Variants in SP4 observed in about 807,000 individuals in gnomAD.
The protein encoded by SP4 is Sp4 transcription factor, also known as transcription factor Sp4.
SP4 carries 19 observed loss-of-function variants against 72.8 expected under a neutral mutation model. That is an observed-to-expected ratio of 0.26 (90% confidence interval 0.18 to 0.38). The LOEUF (loss-of-function observed/expected upper bound fraction) is 0.38, where lower values mean the gene tolerates loss of function less well. SP4 is among the 10% of genes least tolerant of loss of function. The probability of loss-of-function intolerance (pLI) is 1.00; values close to 1 mark genes in which losing one functional copy is unlikely to be tolerated. For synonymous variants in SP4, 395 were observed against 333.1 expected (o/e 1.19, Z -2.02); for missense variants, 1,008 against 926.3 (o/e 1.09, Z -1.14).
intron 5 of SP4, among the ~76,000 whole-genome samples, chr7:21,489,920 G>T (rs1784928555): frequency 6.6e-6 from 1 of 152,010 alleles, no homozygotes; most frequent in South Asian, 2.1e-4. Flanking sequence ...CAAAGTGCTG[G>T]GATTATAGGT....
Position 21,471,695 on chromosome 7 carries a change from G to GT in SP4, c.1679-5383dup, listed in dbSNP as rs561473165. ...AAAGAATTTTAAAAATTAACTAGGT[G>GT]TGGTGGCATGCATCTGTAGTCCCAA... On this transcript the variant is annotated intron_variant, in intron 3 of 5. Transcript: ENST00000222584. Among the ~76,000 whole-genome samples, 73 of 152,242 alleles carry GT rather than the reference G, an allele frequency of 4.8e-4. No homozygotes were observed. In the East Asian group the frequency reaches 0.013, roughly 27 times the overall value.
At chr7:21,487,551 A>T (rs1784853742) in intron 5 of SP4, among the ~76,000 whole-genome samples, 1 of 151,408 alleles carries the variant, frequency 6.6e-6, no homozygotes, top group East Asian at 1.9e-4. Context: ...GTATTCCATC[A>T]TTGTTGGTGG....
chr7:21,463,540 G>C (rs538941282), intron 3 of SP4, among the ~76,000 whole-genome samples: 6 of 152,346 alleles, frequency 3.9e-5, no homozygotes, highest in African/African-American at 1.4e-4. Flanking sequence ...AGCGAAGCCA[G>C]AGGAGGGTTG....
chr7:21,458,721 A>G (rs1783858754), intron 3 of SP4, among the ~76,000 whole-genome samples: 1 of 152,116 alleles, frequency 6.6e-6, no homozygotes, highest in Non-Finnish European at 1.5e-5. Flanking sequence ...CCTACTACTG[A>G]AGATAGATCT....
intron 5 of SP4, among the ~76,000 whole-genome samples, chr7:21,495,548 C>T (rs116613797): frequency 0.01 from 1,596 of 152,094 alleles, 34 homozygotes; most frequent in African/African-American, 0.037. Flanking sequence ...TACTACTGTA[C>T]ACCTATTAGA....
At chr7:21,448,446 A>G (rs1783491644) in intron 3 of SP4, among the ~76,000 whole-genome samples, 1 of 152,210 alleles carries the variant, frequency 6.6e-6, no homozygotes, top group Non-Finnish European at 1.5e-5. Flanking sequence ...TTTCTACATG[A>G]TAATTATATA....
At position 21,428,658 on chromosome 7, in the gene SP4, G is replaced by T. The variant is rs377180028; in HGVS notation, c.8-19G>T. 1.6e-5 allele frequency: 25 copies of T among 1,528,452 alleles called. No homozygotes were observed. The African/African-American group carries it at 3.0e-4, about 19-fold the overall frequency. The allele number at this position is 1,528,452 out of a possible 1,614,324, so 94.7% of individuals were successfully genotyped here. ...AATAACCTGTTGTCGTGTGTGTGTG[G>T]TGGGGGGGTTTGTTGCAGATCAGAA... On this transcript the variant is annotated intron_variant, in intron 1 of 5. Transcript: ENST00000222584.
At chr7:21,468,979 A>G (rs1385808572) in intron 3 of SP4, among the ~76,000 whole-genome samples, 1 of 152,192 alleles carries the variant, frequency 6.6e-6, no homozygotes, top group Non-Finnish European at 1.5e-5. Flanking sequence ...TTTATAATCT[A>G]GATAGTCTTA....
chr7:21,434,021 G>A (rs1052775116), intron 3 of SP4, among the ~76,000 whole-genome samples: 3 of 152,130 alleles, frequency 2.0e-5, no homozygotes, highest in African/African-American at 7.2e-5. Context: ...GGGAGAAGGA[G>A]CAATAAGTAC....
intron 3 of SP4, among the ~76,000 whole-genome samples, chr7:21,440,365 G>A (rs538109717): frequency 1.1e-4 from 17 of 152,204 alleles, no homozygotes; most frequent in Non-Finnish European, 2.2e-4. Flanking sequence ...ACATCTCTAC[G>A]TAGTGACACC....
At chr7:21,451,761 G>C (rs369189053) in intron 3 of SP4, among the ~76,000 whole-genome samples, 4 of 152,104 alleles carry the variant, frequency 2.6e-5, no homozygotes, top group African/African-American at 9.7e-5. Context: ...GAAGGTGAGA[G>C]GAGACAAATC....
chr7:21,459,497 G>A (rs987376812), intron 3 of SP4, among the ~76,000 whole-genome samples: 2 of 152,156 alleles, frequency 1.3e-5, no homozygotes, highest in African/African-American at 2.4e-5. Flanking sequence ...TATGGCAGAG[G>A]GGAAAGATAC....
intron 3 of SP4, among the ~76,000 whole-genome samples, chr7:21,461,097 T>A (rs1783961308): frequency 6.6e-6 from 1 of 152,250 alleles, no homozygotes; most frequent in African/African-American, 2.4e-5. Flanking sequence ...AAAGGTTGTC[T>A]AAGTCCCCAC....
chr7:21,460,539 A>G (rs577067983), intron 3 of SP4, among the ~76,000 whole-genome samples: 4 of 152,188 alleles, frequency 2.6e-5, no homozygotes, highest in Non-Finnish European at 5.9e-5. Flanking sequence ...CTTCCACAGT[A>G]TGGAAGGGGA....
chr7:21,466,754 T>A (rs551721836), intron 3 of SP4, among the ~76,000 whole-genome samples: 1 of 152,212 alleles, frequency 6.6e-6, no homozygotes, highest in African/African-American at 2.4e-5. Flanking sequence ...CAAAGAAGTA[T>A]TTTGTAATTA....
At chr7:21,465,751 A>G (rs1223942928) in intron 3 of SP4, among the ~76,000 whole-genome samples, 5 of 152,084 alleles carry the variant, frequency 3.3e-5, no homozygotes, top group African/African-American at 7.2e-5. Flanking sequence ...CTGTTGTCCT[A>G]CTGGAGAGGG....
chr7:21,459,407 C>T (rs936652983), intron 3 of SP4, among the ~76,000 whole-genome samples: 7 of 152,168 alleles, frequency 4.6e-5, no homozygotes, highest in Non-Finnish European at 1.0e-4. Context: ...GTGTGAGCCA[C>T]CGTGTTTTGG....
At chr7:21,456,575 C>T (rs1359217385) in intron 3 of SP4, among the ~76,000 whole-genome samples, 1 of 152,142 alleles carries the variant, frequency 6.6e-6, no homozygotes, top group Non-Finnish European at 1.5e-5. Context: ...AGTCAGGTGG[C>T]ATGCAAAGTG....
intron 5 of SP4, among the ~76,000 whole-genome samples, chr7:21,497,758 A>T (rs1292817766): frequency 6.6e-6 from 1 of 152,238 alleles, no homozygotes; most frequent in Non-Finnish European, 1.5e-5. Flanking sequence ...TTTATAGATG[A>T]TAGTTAAAAC....
Sources: gnomAD v4.1 joint callset for allele counts (sites outside exome capture counted in the v4.1 genomes callset) on GRCh38, gnomAD v4.1.1 for gene constraint, MANE v1.5 for transcripts, NCBI Gene and HGNC (gene_info 2026-07-23, HGNC 2026-07-21) for gene names.